The following PTPRR variants were observed in gnomAD, a reference collection of about 807,000 sequenced individuals.
PTPRR encodes the protein receptor-type tyrosine-protein phosphatase R.
PTPRR carries 38 observed loss-of-function variants against 77.2 expected under a neutral mutation model. The observed-to-expected ratio is 0.49, with a 90% CI of 0.38 to 0.65. The LOEUF is 0.65. PTPRR is among the 30% of genes least tolerant of loss of function. The pLI is 0.00. For missense variants in PTPRR, 744 were observed against 799.2 expected (o/e 0.93, Z 0.83); for synonymous variants, 299 against 283.1 (o/e 1.06, Z -0.57).
chr12:70,849,758 T>C (rs1292938428), intron 2 of PTPRR, among the ~76,000 whole-genome samples: 1 of 152,230 alleles, frequency 6.6e-6, no homozygotes, highest in Admixed American at 6.5e-5. Flanking sequence ...ACTATATGTT[T>C]AATAAATGCC....
intron 2 of PTPRR, among the ~76,000 whole-genome samples, chr12:70,862,616 G>A (rs980582865): frequency 6.7e-6 from 1 of 149,296 alleles, no homozygotes; most frequent in African/African-American, 2.5e-5. Context: ...GGGAGGGATA[G>A]CTTTAGGAGA....
intron 6 of PTPRR, among the ~76,000 whole-genome samples, chr12:70,705,066 C>A (rs988625013): frequency 4.6e-5 from 7 of 151,980 alleles, no homozygotes; most frequent in Admixed American, 3.9e-4. Context: ...AAAGCAAATT[C>A]TTAGGGAAAG....
intron 2 of PTPRR, among the ~76,000 whole-genome samples, chr12:70,785,717 G>T (rs1294016491): frequency 6.6e-6 from 1 of 152,082 alleles, no homozygotes; most frequent in East Asian, 1.9e-4. Context: ...TTACAGACAG[G>T]TCTATGGATG....
rs542419803 is a variant in PTPRR at position 70,792,595 on chromosome 12, G to T, written c.358-27817C>A. 7.9e-5 allele frequency among the ~76,000 whole-genome samples: 12 copies of T among 152,234 alleles called. No homozygotes were observed. The East Asian group carries it at 2.1e-3, about 27-fold the overall frequency. On this transcript the variant is annotated intron_variant, in intron 2 of 13. Coordinates refer to ENST00000283228, the MANE Select transcript of PTPRR (RefSeq NM_002849.4). ...ATAAGATGTAATTATTTTAAAGATA[G>T]TTTAAAACCTTTAAGTTTCAAATAA...
chr12:70,855,254 A>G (rs191148091), intron 2 of PTPRR, among the ~76,000 whole-genome samples: 50 of 152,326 alleles, frequency 3.3e-4, no homozygotes, highest in Admixed American at 1.6e-3. Context: ...TTTACATCCA[A>G]GAAGACGGAA....
intron 13 of PTPRR, among the ~76,000 whole-genome samples, chr12:70,650,040 G>T (rs1178826040): frequency 6.6e-6 from 1 of 152,212 alleles, no homozygotes; most frequent in South Asian, 2.1e-4. Flanking sequence ...TCAAATAAAT[G>T]TGAAAGAGTG....
chr12:70,761,852 T>C (rs1890699314), intron 3 of PTPRR, among the ~76,000 whole-genome samples: 1 of 152,208 alleles, frequency 6.6e-6, no homozygotes, highest in African/African-American at 2.4e-5. Flanking sequence ...CCCCCAAGAT[T>C]TGTAATTTTA....
At chr12:70,686,388 A>C (rs574386336) in intron 8 of PTPRR, among the ~76,000 whole-genome samples, 1 of 152,364 alleles carries the variant, frequency 6.6e-6, no homozygotes, top group South Asian at 2.1e-4. Flanking sequence ...CTGGGGTTAA[A>C]GATAATAAAG....
intron 2 of PTPRR, among the ~76,000 whole-genome samples, chr12:70,814,571 C>T (rs535412987): frequency 1.3e-5 from 2 of 152,198 alleles, no homozygotes; most frequent in African/African-American, 4.8e-5. Context: ...TAGTGGAGAT[C>T]CTGAACAGCA....
chr12:70,875,976 C>T (rs1034867608), intron 2 of PTPRR, among the ~76,000 whole-genome samples: 1 of 152,128 alleles, frequency 6.6e-6, no homozygotes, highest in Non-Finnish European at 1.5e-5. Flanking sequence ...GTTTTCACCT[C>T]CCTGGTCAGC....
intron 6 of PTPRR, among the ~76,000 whole-genome samples, chr12:70,730,112 G>A (rs551191354): frequency 2.6e-5 from 4 of 152,140 alleles, no homozygotes; most frequent in Non-Finnish European, 4.4e-5. Context: ...CCTAGAGGAT[G>A]TAAGTTCTAA....
intron 10 of PTPRR, among the ~76,000 whole-genome samples, chr12:70,676,881 G>A (rs1887469472): frequency 6.9e-6 from 1 of 144,022 alleles, no homozygotes; most frequent in African/African-American, 2.6e-5. Flanking sequence ...TTTGTCTCAA[G>A]AATGATTTGG....
At chr12:70,857,331 G>C (rs573713842) in intron 2 of PTPRR, among the ~76,000 whole-genome samples, 6 of 152,236 alleles carry the variant, frequency 3.9e-5, no homozygotes, top group African/African-American at 1.4e-4. Context: ...AAAATCTCCA[G>C]CTACACAAGA....
rs778853066 is a variant in PTPRR at position 70,837,513 on chromosome 12, A to G, written c.357+55166T>C. On this transcript the variant is annotated intron_variant, in intron 2 of 13. Transcript: ENST00000283228. ...CCTCCACACATCAAGCAAGAAATCA[A>G]TTCTAAAGCAGCTCTCGGAACTCAG... 6.6e-5 allele frequency among the ~76,000 whole-genome samples: 10 copies of G among 152,220 alleles called. No homozygotes were observed. The East Asian group carries it at 1.9e-3, about 29-fold the overall frequency.
chr12:70,700,542 T>C (rs1475101336), intron 7 of PTPRR, among the ~76,000 whole-genome samples: 1 of 152,198 alleles, frequency 6.6e-6, no homozygotes, highest in African/African-American at 2.4e-5. Flanking sequence ...CCATTACTTT[T>C]GGCTGCCTCA....
In PTPRR at chr12:70,903,744, AT is replaced by A. The variant is rs1447783007; in HGVS notation, c.59-10768del. On this transcript the variant is annotated intron_variant, in intron 1 of 13. Coordinates refer to ENST00000283228, the MANE Select transcript of PTPRR (RefSeq NM_002849.4). Reference sequence around the variant, plus strand: ...AAAAGATAATCTGGATGGAATCAGAATAAAAAGAAATTTGCTCTGTGAAAGA... The same window carrying A: ...AAAAGATAATCTGGATGGAATCAGAAAAAAAGAAATTTGCTCTGTGAAAGA... 9.9e-5 allele frequency among the ~76,000 whole-genome samples: 15 copies of A among 151,990 alleles called. No individual in the cohort carries two copies. In the South Asian group the frequency reaches 3.1e-3, roughly 31 times the overall value.
At chr12:70,777,762 A>C (rs1172776344) in intron 2 of PTPRR, among the ~76,000 whole-genome samples, 3 of 152,194 alleles carry the variant, frequency 2.0e-5, no homozygotes, top group Non-Finnish European at 4.4e-5. Context: ...GTGGAGCTAC[A>C]CAAAGGAAGA....
intron 8 of PTPRR, among the ~76,000 whole-genome samples, chr12:70,688,471 G>A (rs773369474): frequency 2.0e-5 from 3 of 152,080 alleles, no homozygotes; most frequent in Non-Finnish European, 2.9e-5. Context: ...AATCATCAGA[G>A]AAATGCAAAT....
At chr12:70,660,910 C>T in intron 12 of PTPRR, 30 bp downstream of exon 12, 1 of 1,587,602 alleles carries the variant, frequency 6.3e-7, no homozygotes, top group Non-Finnish European at 8.6e-7. Context: ...TGGGCCATTG[C>T]TTAGACAGAA....
Sources: gnomAD v4.1 joint callset for allele counts (sites outside exome capture counted in the v4.1 genomes callset) on GRCh38, gnomAD v4.1.1 for gene constraint, MANE v1.5 for transcripts, NCBI Gene and HGNC (gene_info 2026-07-23, HGNC 2026-07-21) for gene names.